The following ZNF839 variants were observed in gnomAD, a reference collection of about 807,000 sequenced individuals.
The protein encoded by ZNF839 is renal carcinoma antigen NY-REN-50.
ZNF839 carries 38 observed loss-of-function variants against 56.4 expected under a neutral mutation model. The ratio of observed to expected loss-of-function variants is 0.67; its 90% CI spans 0.52 to 0.88. The LOEUF (loss-of-function observed/expected upper bound fraction) is 0.88. Ranked by LOEUF, ZNF839 falls within the 40% of genes least tolerant of loss-of-function variation. The pLI is 0.00. For synonymous variants in ZNF839, 486 were observed against 493.5 expected (o/e 0.98, Z 0.20); for missense variants, 1,091 against 1,177.6 (o/e 0.93, Z 1.08).
rs748004734 is a variant in ZNF839, at chr14:102,338,928, C to T, written c.1772C>T (p.Ala591Val). Residue 591 changes from alanine to valine, a missense_variant, in exon 6 of 8, where the codon GCT becomes GTT. This residue lies in a region of ZNF839 where 431 missense variants were observed against 468.0 expected (regional missense o/e 0.92). Transcript: ENST00000442396. ...ATGGATGGGGAGCAGCTAGAGGGAGCTAGCAGCGAGAAGAGGGAACGTGAG... is the reference window on the plus strand; with the variant it reads ...ATGGATGGGGAGCAGCTAGAGGGAGTTAGCAGCGAGAAGAGGGAACGTGAG... Reference protein sequence around the residue: ...RDMDGEQLEGASSEKREREAA... With the variant: ...RDMDGEQLEGVSSEKREREAA... 1.2e-6 allele frequency: 2 copies of T among 1,613,950 alleles called. No individual in the cohort carries two copies. The highest frequency in any genetic ancestry group is 2.2e-5 in the South Asian group (2 of 91,076).
chr14:102,336,496 T>C (rs1306184335), intron 5 of ZNF839: 11 of 291,552 alleles, frequency 3.8e-5, no homozygotes, highest in Non-Finnish European at 6.7e-5. Context: ...GGTTTCACCG[T>C]GTTGCCCAGG....
chr14:102,319,703 G>A (rs1349975412), upstream of ZNF839: 2 of 1,221,374 alleles, frequency 1.6e-6, no homozygotes, highest in Admixed American at 4.3e-5. This position sits in a 1 kb window ranked among gnomAD's most constrained non-coding sequence, Gnocchi z 4.5. Context: ...CCCTCTCCTA[G>A]GTGACGTACA....
chr14:102,320,237 A>G (rs1401419965), intron 1 of ZNF839, among the ~76,000 whole-genome samples, 184 bp downstream of exon 1: 1 of 152,168 alleles, frequency 6.6e-6, no homozygotes, highest in Non-Finnish European at 1.5e-5. Flanking sequence ...TTTTCACCCC[A>G]GGAGCCTCAC....
chr14:102,320,847 C>A (rs1394098454), intron 1 of ZNF839, among the ~76,000 whole-genome samples: 1 of 152,160 alleles, frequency 6.6e-6, no homozygotes, highest in African/African-American at 2.4e-5. Flanking sequence ...TGAAGCATAG[C>A]GCCTGAAGCC....
intron 5 of ZNF839, among the ~76,000 whole-genome samples, chr14:102,338,539 G>GAAAAA (rs954011615): frequency 9.4e-5 from 3 of 32,070 alleles, no homozygotes; most frequent in African/African-American, 1.1e-4. Context: ...CTCTGTCTCA[G>GAAAAA]AAAAAAAAAA....
intron 2 of ZNF839, among the ~76,000 whole-genome samples, chr14:102,328,375 A>AAAAAATATATAT (rs1197718891): frequency 1.2e-4 from 2 of 16,344 alleles, no homozygotes; most frequent in Admixed American, 9.0e-4. Context: ...AAAAAAAAAA[A>AAAAAATATATAT]ATATATATAT....
At chr14:102,320,527 A>T (rs1404270801) in intron 1 of ZNF839, among the ~76,000 whole-genome samples, 2 of 152,206 alleles carry the variant, frequency 1.3e-5, no homozygotes, top group Non-Finnish European at 2.9e-5. Flanking sequence ...TAGGCCAGAC[A>T]CTGGAGCTGA....
At chr14:102,340,060 C>G (rs1886337331) in intron 7 of ZNF839, among the ~76,000 whole-genome samples, 1 of 151,836 alleles carries the variant, frequency 6.6e-6, no homozygotes, top group Middle Eastern at 3.4e-3. Flanking sequence ...GCAACCTCTG[C>G]CTCCTGGGTT....
At chr14:102,328,402 ATATATATATG>A (rs1158571977) in intron 2 of ZNF839, among the ~76,000 whole-genome samples, 1 of 111,714 alleles carries the variant, frequency 9.0e-6, no homozygotes, top group Admixed American at 1.2e-4. Context: ...ATATATATAT[ATATATATATG>A]TATACACACA....
Position 102,326,823 on chromosome 14 carries a change from C to T in ZNF839, c.1127C>T (p.Ala376Val), listed in dbSNP as rs199513391. 9.1e-5 allele frequency: 147 copies of T among 1,610,906 alleles called. 1 individual carries two copies. Among genetic ancestry groups the T allele is most frequent in the Non-Finnish European group, 1.2e-4 (140 of 1,178,604 alleles). The change falls in exon 2 of 8, where the codon GCG becomes GTG. Residue 376 changes from alanine to valine, a missense_variant. Coordinates refer to ENST00000442396, the MANE Select transcript of ZNF839 (RefSeq NM_018335.6). The surrounding 1 kb of genome is among the most constrained non-coding windows in gnomAD (Gnocchi z 4.3). ...SLTSLGLSMP[A>V]DPCEGGARSC... The stretch of plus-strand genomic sequence containing the variant: ...ACCTCCCTGGGGCTGTCCATGCCAG[C>T]GGATCCATGTGAGGGAGGGGCCCGC...
In ZNF839 at chr14:102,341,918, G is replaced by C; in HGVS notation, c.2523G>C (p.Ser841=). ...LLTEGCLRSL[S]GDLNRFPCGM... ...CTGAAGGGTGTCTCAGAAGCCTTTC[G>C]GGGGACTTGAACCGGTTCCCCTGTG... The change falls in exon 8 of 8, where the codon TCG becomes TCC. Residue 841 remains serine, a synonymous_variant. Transcript: ENST00000442396. The C allele has an allele frequency of 6.2e-7, 1 of 1,614,026 alleles. No homozygotes were observed. The highest frequency in any genetic ancestry group is 8.5e-7 in the Non-Finnish European group (1 of 1,179,892).
At chr14:102,325,914 C>T (rs923319843) in intron 1 of ZNF839, 71 bp from the exon 2 acceptor site, 67 of 1,492,376 alleles carry the variant, frequency 4.5e-5, no homozygotes, top group South Asian at 1.4e-4. Flanking sequence ...GGTTTTATGA[C>T]GAGACTGAAA....
At chr14:102,319,741 G>A, upstream of ZNF839, 1 of 1,228,260 alleles carries the variant, frequency 8.1e-7, no homozygotes, top group African/African-American at 1.6e-5. The surrounding 1 kb of genome is among the most constrained non-coding windows in gnomAD (Gnocchi z 4.5). Flanking sequence ...CAGCGACCCG[G>A]GTTCGAGTCC....
intron 5 of ZNF839, 129 bp from the exon 6 acceptor site, chr14:102,338,687 C>A: frequency 8.2e-7 from 1 of 1,225,438 alleles, no homozygotes; most frequent in Non-Finnish European, 1.1e-6. Flanking sequence ...GTTGAGATGG[C>A]ATCTCACAGT....
intron 3 of ZNF839, 38 bp from the exon 4 acceptor site, chr14:102,334,516 C>T (rs372171912): frequency 3.1e-5 from 46 of 1,469,606 alleles, no homozygotes; most frequent in Middle Eastern, 1.7e-4. Flanking sequence ...GAAATTCTTA[C>T]GGGACATTCA....
At chr14:102,339,002 C>T (rs1050703126) in intron 6 of ZNF839, 49 bp downstream of exon 6, 6 of 1,613,488 alleles carry the variant, frequency 3.7e-6, no homozygotes, top group East Asian at 2.2e-5. Context: ...GGTGAATTAG[C>T]GTGGTTTGGC....
intron 1 of ZNF839, among the ~76,000 whole-genome samples, chr14:102,321,001 C>T (rs555671975): frequency 6.6e-6 from 1 of 152,370 alleles, no homozygotes; most frequent in African/African-American, 2.4e-5. Flanking sequence ...CAGGAACCTT[C>T]ACTCGTTGAG....
Position 102,319,802 on chromosome 14 carries a change from G to T in ZNF839, c.37G>T (p.Glu13Ter). 4.1e-6 allele frequency: 5 copies of T among 1,232,174 alleles called. No homozygotes were observed. Among genetic ancestry groups the T allele is most frequent in the Non-Finnish European group, 5.1e-6 (5 of 988,216 alleles). The allele number at this position is 1,232,174 out of a possible 1,614,324, so 76.3% of individuals were successfully genotyped here. A position where few individuals can be genotyped will look rare whatever the true frequency, so the allele number is the denominator to read the frequency against. The stretch of plus-strand genomic sequence containing the variant: ...GGAGCCGGAGGCTGGGGGCGGCAGC[G>T]AGGATGGCGGCGGCGGCGGCGGCCC... ...DAEPEAGGGS[E>*]DGGGGGGPAP... The change falls in exon 1 of 8, where the codon GAG (glutamate) becomes TAG (stop). Residue 13 changes from glutamate (E) to a stop codon, truncating the protein, a stop_gained. Transcript: ENST00000442396. LOFTEE classifies it high-confidence loss of function. The surrounding 1 kb of genome is among the most constrained non-coding windows in gnomAD (Gnocchi z 4.5).
Position 102,319,973 on chromosome 14 carries a change from C to T in ZNF839, c.208C>T (p.Arg70Trp). The T allele has an allele frequency of 8.6e-7, 1 of 1,169,476 alleles. No homozygotes were observed. Among genetic ancestry groups the T allele is most frequent in the Non-Finnish European group, 1.0e-6 (1 of 952,744 alleles). 72.4% of individuals were successfully genotyped at this position (1,169,476 alleles called of 1,614,324 possible). A position where few individuals can be genotyped will look rare whatever the true frequency, so the allele number is the denominator to read the frequency against. Reference protein sequence around the residue: ...FVLRDAARRLRDAAQQAALQR... With the variant: ...FVLRDAARRLWDAAQQAALQR... ...GCTGCGGGACGCGGCGCGGCGGCTGCGGGACGCGGCCCAACAGGCCGCCCT... is the reference window on the plus strand; with the variant it reads ...GCTGCGGGACGCGGCGCGGCGGCTGTGGGACGCGGCCCAACAGGCCGCCCT... The change falls in exon 1 of 8, where the codon CGG becomes TGG. Residue 70 changes from arginine to tryptophan, a missense_variant. Arg to Trp is a moderately radical substitution (Grantham distance 101, BLOSUM62 -3). This residue lies in a region of ZNF839 where 614 missense variants were observed against 629.2 expected (regional missense o/e 0.98). Transcript: ENST00000442396. This position sits in a 1 kb window ranked among gnomAD's most constrained non-coding sequence, Gnocchi z 4.5.
Sources: gnomAD v4.1 joint callset for allele counts (sites outside exome capture counted in the v4.1 genomes callset) on GRCh38, gnomAD v4.1.1 for gene constraint, gnomAD v4.1.1 regional missense constraint, Gnocchi (gnomAD v3.1) non-coding constraint, MANE v1.5 for transcripts, NCBI Gene and HGNC (gene_info 2026-07-23, HGNC 2026-07-21) for gene names.